Variants in RORA observed in about 807,000 individuals in gnomAD.
The protein encoded by RORA is RAR related orphan receptor A.
Under a neutral mutation model 69.5 loss-of-function variants are expected in RORA, and 7 were observed. That is an observed-to-expected ratio of 0.10 (90% confidence interval 0.06 to 0.19). The LOEUF (loss-of-function observed/expected upper bound fraction) is 0.19, where lower values mean the gene tolerates loss of function less well. Ranked by LOEUF, RORA falls within the 10% of genes least tolerant of loss-of-function variation. RORA has a pLI of 1.00. For synonymous variants in RORA, 261 were observed against 240.8 expected, an observed-to-expected ratio of 1.08 and a Z score of -0.78; for missense variants, 457 against 663.0, an observed-to-expected ratio of 0.69 and a Z score of 3.41.
intron 1 of RORA, among the ~76,000 whole-genome samples, chr15:60,857,573 C>G (rs772231705): frequency 1.3e-5 from 2 of 151,980 alleles, no homozygotes; most frequent in African/African-American, 2.4e-5. Flanking sequence ...AACAGAGGAA[C>G]TCAGCTGGCA....
At chr15:60,941,152 G>A (rs543285051) in intron 1 of RORA, among the ~76,000 whole-genome samples, 4 of 152,310 alleles carry the variant, frequency 2.6e-5, no homozygotes, top group African/African-American at 7.2e-5. Context: ...TTTATGGCAT[G>A]GTGATAAGCT....
chr15:60,630,171 A>G (rs957893218), intron 2 of RORA, among the ~76,000 whole-genome samples: 1 of 152,200 alleles, frequency 6.6e-6, no homozygotes, highest in Non-Finnish European at 1.5e-5. Context: ...TTCTACACTG[A>G]TGCAAAGGAC....
intron 2 of RORA, among the ~76,000 whole-genome samples, chr15:60,617,530 T>C (rs1193832976): frequency 2.0e-5 from 3 of 152,152 alleles, no homozygotes; most frequent in African/African-American, 7.2e-5. Flanking sequence ...CCTGCAGAAC[T>C]GTCATTGGCC....
intron 1 of RORA, among the ~76,000 whole-genome samples, chr15:61,083,033 C>T (rs771027363): frequency 3.9e-5 from 6 of 152,192 alleles, no homozygotes; most frequent in Admixed American, 1.3e-4. Context: ...CCTTCCTTTT[C>T]GCCTTTCCAC....
intron 1 of RORA, among the ~76,000 whole-genome samples, chr15:61,160,159 T>C (rs1044000049): frequency 2.0e-5 from 3 of 152,202 alleles, no homozygotes; most frequent in Non-Finnish European, 4.4e-5. Flanking sequence ...TAAGCTCTCA[T>C]GTTCCTGGCA....
At chr15:60,911,464 T>C (rs1343638429) in intron 1 of RORA, among the ~76,000 whole-genome samples, 2 of 152,200 alleles carry the variant, frequency 1.3e-5, no homozygotes, top group Non-Finnish European at 2.9e-5. Flanking sequence ...CTTCCTGTTG[T>C]GATTTCTAGG....
At chr15:60,561,662 G>T (rs563086747) in intron 2 of RORA, among the ~76,000 whole-genome samples, 1 of 152,124 alleles carries the variant, frequency 6.6e-6, no homozygotes, top group Non-Finnish European at 1.5e-5. Flanking sequence ...TTGTTAAAGG[G>T]TCAAGAACTA....
chr15:60,681,138 T>A (rs1413744559), intron 1 of RORA, among the ~76,000 whole-genome samples: 1 of 152,214 alleles, frequency 6.6e-6, no homozygotes, highest in Non-Finnish European at 1.5e-5. Flanking sequence ...GAAGCTCTAG[T>A]ACTTCATAGT....
At chr15:60,818,181 T>A (rs546041064) in intron 1 of RORA, among the ~76,000 whole-genome samples, 1 of 152,276 alleles carries the variant, frequency 6.6e-6, no homozygotes, top group South Asian at 2.1e-4. Context: ...CAGGATTCTA[T>A]TTAGGTTGGT....
intron 1 of RORA, among the ~76,000 whole-genome samples, chr15:60,845,091 C>T (rs2073248882): frequency 6.6e-6 from 1 of 152,094 alleles, no homozygotes; most frequent in South Asian, 2.1e-4. Flanking sequence ...ATTCACAAGT[C>T]CTCCAGCTGT....
chr15:60,660,818 A>G (rs2070292373), intron 2 of RORA, among the ~76,000 whole-genome samples: 1 of 152,214 alleles, frequency 6.6e-6, no homozygotes, highest in African/African-American at 2.4e-5. Flanking sequence ...CAAGATCTCA[A>G]GATGTCAGAG....
chr15:60,856,896 T>C (rs921084121), intron 1 of RORA, among the ~76,000 whole-genome samples: 19 of 152,200 alleles, frequency 1.2e-4, no homozygotes, highest in African/African-American at 3.6e-4. Context: ...GATTCACCAA[T>C]TGGGTAAACC....
At chr15:61,022,532 G>C (rs17303355) in intron 1 of RORA, among the ~76,000 whole-genome samples, 16,440 of 152,020 alleles carry the variant, frequency 0.11, 1,325 homozygotes, top group East Asian at 0.28. Context: ...ATTTTCAATG[G>C]TGCACACACA....
chr15:60,517,087 A>AT (rs2065985561), intron 3 of RORA, among the ~76,000 whole-genome samples: 1 of 134,240 alleles, frequency 7.4e-6, no homozygotes, highest in South Asian at 2.2e-4. Flanking sequence ...ATCAGATTTT[A>AT]TTTTTCTTTT....
chr15:60,720,087 A>C (rs1285332039), intron 1 of RORA, among the ~76,000 whole-genome samples: 1 of 152,164 alleles, frequency 6.6e-6, no homozygotes, highest in Non-Finnish European at 1.5e-5. Flanking sequence ...AAGAAGCACT[A>C]AACAGGAAGC....
At chr15:60,820,862 A>G (rs1433967517) in intron 1 of RORA, among the ~76,000 whole-genome samples, 3 of 152,220 alleles carry the variant, frequency 2.0e-5, no homozygotes, top group African/African-American at 4.8e-5. Flanking sequence ...GAGAACTATG[A>G]GTGAAGCTGC....
intron 1 of RORA, among the ~76,000 whole-genome samples, chr15:60,825,982 G>T (rs139848325): frequency 9.3e-4 from 142 of 152,154 alleles, no homozygotes; most frequent in Non-Finnish European, 9.4e-4. Context: ...TTCTTAAAAG[G>T]CTTTAAATTC....
chr15:60,851,632 G>A (rs2140414726), intron 1 of RORA, among the ~76,000 whole-genome samples: 1 of 152,266 alleles, frequency 6.6e-6, no homozygotes, highest in African/African-American at 2.4e-5. Context: ...CTTTTGCCAT[G>A]TAAATCTTGG....
At chr15:60,765,137 C>T (rs1348083536) in intron 1 of RORA, 3 of 152,086 alleles carry the variant, frequency 2.0e-5, no homozygotes, top group Non-Finnish European at 4.4e-5. Context: ...TCCTCGATCC[C>T]AGGGCCCATT....
Sources: allele counts gnomAD v4.1 joint callset (sites outside exome capture counted in the v4.1 genomes callset), GRCh38; gene constraint gnomAD v4.1.1; transcripts MANE v1.5; gene names NCBI Gene and HGNC (gene_info 2026-07-23, HGNC 2026-07-21).